The following OR2L13 variants were observed in gnomAD, a reference collection of about 807,000 sequenced individuals.
OR2L13 encodes olfactory receptor family 2 subfamily L member 13, also known as olfactory receptor 2L13.
Under a neutral mutation model 15.3 loss-of-function variants are expected in OR2L13, and 14 were observed. That is an observed-to-expected ratio of 0.91 (90% CI 0.60 to 1.43). OR2L13 has a LOEUF of 1.43. Among genes scored for constraint, OR2L13 ranks in the 40% most tolerant of loss-of-function variants. The pLI is 0.00. For synonymous variants in OR2L13, 152 were observed against 142.9 expected (o/e 1.06, Z -0.45); for missense variants, 367 against 387.9 (o/e 0.95, Z 0.45).
At chr1:248,035,406 G>T in the OR2L13 span, 1 of 151,824 alleles carries the variant, frequency 6.6e-6, no homozygotes, top group African/African-American at 2.4e-5. Context: ...CCGAGATCGC[G>T]CCACTGCACT....
At chr1:247,947,159 C>T in the OR2L13 span, among the ~76,000 whole-genome samples, 3 of 152,108 alleles carry the variant, frequency 2.0e-5, no homozygotes, top group African/African-American at 4.8e-5. Flanking sequence ...TTTAATGTTA[C>T]GTGTCACATC....
the OR2L13 span, among the ~76,000 whole-genome samples, chr1:248,027,139 A>T: frequency 2.7e-3 from 418 of 152,144 alleles, 1 homozygote; most frequent in African/African-American, 9.0e-3. Flanking sequence ...GGCGGCCTCT[A>T]AAATGGCCAC....
chr1:247,983,845 G>A, the OR2L13 span, among the ~76,000 whole-genome samples: 1 of 152,346 alleles, frequency 6.6e-6, no homozygotes, highest in African/African-American at 2.4e-5. Flanking sequence ...TAGCTGAGGG[G>A]AAGCAGGACA....
At chr1:247,971,269 C>T in the OR2L13 span, among the ~76,000 whole-genome samples, 598 of 151,976 alleles carry the variant, frequency 3.9e-3, 6 homozygotes, top group African/African-American at 0.013. Flanking sequence ...AGCAGAAGAA[C>T]GTAGAGCAGA....
chr1:247,979,022 GTCTT>G, the OR2L13 span, among the ~76,000 whole-genome samples: 4 of 152,058 alleles, frequency 2.6e-5, no homozygotes, highest in African/African-American at 9.7e-5. Context: ...GACCTATAAA[GTCTT>G]TCTTTCATAC....
chr1:248,099,830 C>T, exon 3 of OR2L13: 1 of 1,614,002 alleles, frequency 6.2e-7, no homozygotes, highest in South Asian at 1.1e-5. Context: ...ACACTGGGGT[C>T]CATCAACTCC....
At chr1:248,003,792 T>C in the OR2L13 span, 1 of 1,613,712 alleles carries the variant, frequency 6.2e-7, no homozygotes, top group Admixed American at 1.7e-5. Flanking sequence ...GGCCGGGTTC[T>C]CCTTGCTGTC....
the OR2L13 span, among the ~76,000 whole-genome samples, chr1:248,030,574 T>C: frequency 2.0e-5 from 3 of 152,198 alleles, no homozygotes; most frequent in Non-Finnish European, 4.4e-5. Flanking sequence ...GGGTAACATT[T>C]CCTTGTACCT....
At chr1:248,004,088 G>T in the OR2L13 span, 3 of 1,581,662 alleles carry the variant, frequency 1.9e-6, no homozygotes, top group Non-Finnish European at 2.6e-6. Flanking sequence ...TCTGCCTAAG[G>T]TTTCAGGACT....
the OR2L13 span, among the ~76,000 whole-genome samples, chr1:248,024,918 A>G: frequency 4.6e-5 from 7 of 152,152 alleles, no homozygotes; most frequent in South Asian, 4.1e-4. Flanking sequence ...ATGAACTTTA[A>G]GGTAGTTTTT....
chr1:248,005,333 T>TA, the OR2L13 span, among the ~76,000 whole-genome samples: 1 of 152,152 alleles, frequency 6.6e-6, no homozygotes, highest in African/African-American at 2.4e-5. Context: ...TAATTAAAAA[T>TA]AAAAAAATTA....
the OR2L13 span, among the ~76,000 whole-genome samples, chr1:247,977,925 C>CTTCA: frequency 6.6e-6 from 1 of 152,130 alleles, no homozygotes; most frequent in Non-Finnish European, 1.5e-5. Context: ...AGTCCCCACA[C>CTTCA]TTCAGCTCAT....
At chr1:247,967,673 A>G in the OR2L13 span, among the ~76,000 whole-genome samples, 1 of 151,862 alleles carries the variant, frequency 6.6e-6, no homozygotes, top group Non-Finnish European at 1.5e-5. Context: ...TTTGATTTCT[A>G]TTTTTTCTTT....
At chr1:247,953,147 G>C in the OR2L13 span, among the ~76,000 whole-genome samples, 1 of 152,138 alleles carries the variant, frequency 6.6e-6, no homozygotes, top group African/African-American at 2.4e-5. Flanking sequence ...TTATGAGAAT[G>C]TACTCCAGAT....
At chr1:248,060,583 T>TA in the OR2L13 span, 2 of 913,484 alleles carry the variant, frequency 2.2e-6, no homozygotes, top group Non-Finnish European at 3.5e-6. Flanking sequence ...CTCAAGAATT[T>TA]ACTGAGGGGC....
At chr1:248,046,548 A>C in the OR2L13 span, among the ~76,000 whole-genome samples, 1 of 152,302 alleles carries the variant, frequency 6.6e-6, no homozygotes, top group Non-Finnish European at 1.5e-5. Flanking sequence ...ACATGCCTTG[A>C]AACATCTAAA....
the OR2L13 span, among the ~76,000 whole-genome samples, chr1:248,089,515 C>G: frequency 1.3e-5 from 2 of 152,118 alleles, no homozygotes; most frequent in Non-Finnish European, 2.9e-5. Flanking sequence ...AAAGGAAAAG[C>G]TTAAGTTCCT....
the OR2L13 span, among the ~76,000 whole-genome samples, chr1:248,072,979 G>A: frequency 7.1e-6 from 1 of 141,334 alleles, no homozygotes; most frequent in South Asian, 2.6e-4. Flanking sequence ...GGAAACGACA[G>A]GTGCTGGAGA....
the OR2L13 span, chr1:248,003,413 G>A: frequency 1.2e-6 from 2 of 1,609,622 alleles, no homozygotes; most frequent in Non-Finnish European, 1.7e-6. Context: ...CTCCTTCACT[G>A]GGTGTGGGAT....
Sources: gnomAD v4.1 joint callset for allele counts (sites outside exome capture counted in the v4.1 genomes callset) on GRCh38, gnomAD v4.1.1 for gene constraint, MANE v1.5 for transcripts, NCBI Gene and HGNC (gene_info 2026-07-23, HGNC 2026-07-21) for gene names.